Variants in GLRB observed in about 807,000 individuals in gnomAD.
GLRB encodes glycine receptor subunit beta.
A neutral mutation model predicts 54.2 loss-of-function variants in GLRB; 33 were observed. That is an observed-to-expected ratio of 0.61 (90% CI 0.46 to 0.81). GLRB has a LOEUF of 0.81. Ranked by LOEUF, GLRB falls within the 40% of genes least tolerant of loss-of-function variation. The probability of loss-of-function intolerance (pLI) is 0.00; values close to 1 mark genes in which losing one functional copy is unlikely to be tolerated. For synonymous variants in GLRB, 209 were observed against 208.2 expected, an observed-to-expected ratio of 1.00 and a Z score of -0.03; for missense variants, 572 against 584.6, an observed-to-expected ratio of 0.98 and a Z score of 0.22.
Position 157,122,322 on chromosome 4 carries a change from A to C in GLRB, c.230-8A>C. On this transcript the variant is annotated splice_polypyrimidine_tract_variant and splice_region_variant and intron_variant, in intron 3 of 9. Coordinates refer to ENST00000264428, the MANE Select transcript of GLRB (RefSeq NM_000824.5). Reference sequence around the variant, plus strand: ...GCTAATAAATATATTCTTAATTTTTATTCATAGGCATTCCTGTTGATGTAG... The same window carrying C: ...GCTAATAAATATATTCTTAATTTTTCTTCATAGGCATTCCTGTTGATGTAG... 1 of 1,160,612 alleles carries C rather than the reference A, an allele frequency of 8.6e-7. No individual in the cohort carries two copies. Among genetic ancestry groups the C allele is most frequent in the Non-Finnish European group, 1.3e-6 (1 of 783,720 alleles). The allele number at this position is 1,160,612 out of a possible 1,614,324, so 71.9% of individuals were successfully genotyped here.
At chr4:157,091,907 T>G (rs1345815160) in intron 2 of GLRB, among the ~76,000 whole-genome samples, 1 of 152,178 alleles carries the variant, frequency 6.6e-6, no homozygotes, top group African/African-American at 2.4e-5. Context: ...CTTATCCTTC[T>G]AGTCCCAGCT....
chr4:157,090,346 G>A (rs1204907271), intron 2 of GLRB, among the ~76,000 whole-genome samples: 1 of 152,178 alleles, frequency 6.6e-6, no homozygotes, highest in Non-Finnish European at 1.5e-5. Flanking sequence ...TTAATGAAAA[G>A]TGGGGCATTG....
At chr4:157,115,252 T>G (rs897998829) in intron 2 of GLRB, among the ~76,000 whole-genome samples, 22 of 109,964 alleles carry the variant, frequency 2.0e-4, no homozygotes, top group Middle Eastern at 4.7e-3. Flanking sequence ...CATTATGGTG[T>G]TTTTTTTTTT....
chr4:157,109,893 G>A (rs1194551297), intron 2 of GLRB, among the ~76,000 whole-genome samples: 1 of 152,024 alleles, frequency 6.6e-6, no homozygotes, highest in South Asian at 2.1e-4. Flanking sequence ...GGGGCATAAA[G>A]CTTCCGTGCC....
intron 7 of GLRB, 65 bp downstream of exon 7, chr4:157,139,014 C>A: frequency 1.1e-6 from 1 of 876,302 alleles, no homozygotes; most frequent in Non-Finnish European, 1.9e-6. Context: ...TAATACATAG[C>A]CAAGGGGAGA....
At chr4:157,090,818 T>C (rs1241790708) in intron 2 of GLRB, among the ~76,000 whole-genome samples, 1 of 152,200 alleles carries the variant, frequency 6.6e-6, no homozygotes, top group East Asian at 1.9e-4. Flanking sequence ...ATATCACTTA[T>C]GATCTCATTG....
At chr4:157,153,675 AG>A (rs1462906159) in intron 9 of GLRB, among the ~76,000 whole-genome samples, 3 of 152,198 alleles carry the variant, frequency 2.0e-5, no homozygotes, top group Admixed American at 2.0e-4. Context: ...TCAACGTGCC[AG>A]GCTGTGTAAA....
chr4:157,152,718 G>T lies in GLRB; in HGVS notation c.905G>T (p.Gly302Val). 6.2e-7 allele frequency: 1 copy of T among 1,612,542 alleles called. No individual in the cohort carries two copies. The change falls in exon 9 of 10, where the codon GGT becomes GTT. Residue 302 changes from glycine to valine, a missense_variant and splice_region_variant. Gly to Val is a moderately radical substitution (Grantham distance 109). Coordinates refer to ENST00000264428, the MANE Select transcript of GLRB (RefSeq NM_000824.5). ...TTCATTCCTCTTTCTGTTTCTGTAG[G>T]TATCTTCTCAGTCCTCAGCTTGGCC... ...PDASAARVPL[G>V]IFSVLSLASE...
intron 8 of GLRB, 113 bp downstream of exon 8, chr4:157,144,072 T>A (rs1736717522): frequency 8.9e-7 from 1 of 1,124,104 alleles, no homozygotes; most frequent in Non-Finnish European, 1.3e-6. Context: ...AGCCACCAAT[T>A]TCGGTGTTTA....
intron 7 of GLRB, among the ~76,000 whole-genome samples, chr4:157,139,570 G>C (rs1736536024): frequency 6.6e-6 from 1 of 151,994 alleles, no homozygotes; most frequent in Non-Finnish European, 1.5e-5. Context: ...ACTCAATACT[G>C]TCATAATATG....
chr4:157,128,067 A>G (rs1396741210), intron 4 of GLRB, among the ~76,000 whole-genome samples: 2 of 151,904 alleles, frequency 1.3e-5, no homozygotes, highest in Non-Finnish European at 2.9e-5. Context: ...TTATCTGATT[A>G]TAACATAACT....
chr4:157,141,733 A>G (rs1226442642), intron 7 of GLRB, among the ~76,000 whole-genome samples: 1 of 152,076 alleles, frequency 6.6e-6, no homozygotes, highest in Non-Finnish European at 1.5e-5. Context: ...AATGTTTCTC[A>G]TAAAATTTTA....
intron 9 of GLRB, among the ~76,000 whole-genome samples, chr4:157,167,058 A>G (rs908215202): frequency 6.6e-6 from 1 of 152,158 alleles, no homozygotes; most frequent in Non-Finnish European, 1.5e-5. Context: ...TAGCAAATGC[A>G]TTTCTACAGT....
chr4:157,119,826 G>A (rs1027047177), intron 2 of GLRB, among the ~76,000 whole-genome samples: 11 of 151,772 alleles, frequency 7.2e-5, no homozygotes, highest in African/African-American at 2.4e-4. Context: ...TCAGTGTGGC[G>A]ATTCCTCAGG....
At chr4:157,135,023 A>G (rs1489674716) in intron 4 of GLRB, among the ~76,000 whole-genome samples, 3 of 152,156 alleles carry the variant, frequency 2.0e-5, no homozygotes, top group Admixed American at 6.6e-5. Flanking sequence ...AGCACTTAAC[A>G]TTAAGTATAC....
intron 9 of GLRB, among the ~76,000 whole-genome samples, chr4:157,155,661 C>A (rs1737199198): frequency 6.6e-6 from 1 of 152,262 alleles, no homozygotes; most frequent in Admixed American, 6.5e-5. Flanking sequence ...GTTCTAATTG[C>A]TTTTCCTCTG....
At chr4:157,135,628 G>A (rs955245540) in intron 4 of GLRB, among the ~76,000 whole-genome samples, 2 of 152,088 alleles carry the variant, frequency 1.3e-5, no homozygotes, top group Admixed American at 1.3e-4. Flanking sequence ...CATTTGAACT[G>A]TGAGTCAATT....
At chr4:157,139,989 T>A (rs938701953) in intron 7 of GLRB, among the ~76,000 whole-genome samples, 1 of 151,972 alleles carries the variant, frequency 6.6e-6, no homozygotes, top group Non-Finnish European at 1.5e-5. Context: ...GAGAGAACAT[T>A]TACATATTTA....
chr4:157,081,133 AG>A (rs1734207371), intron 2 of GLRB, among the ~76,000 whole-genome samples: 1 of 152,246 alleles, frequency 6.6e-6, no homozygotes, highest in Non-Finnish European at 1.5e-5. Flanking sequence ...CCAAAAACTT[AG>A]AAATTTAATA....
Sources: allele counts gnomAD v4.1 joint callset (sites outside exome capture counted in the v4.1 genomes callset), GRCh38; gene constraint gnomAD v4.1.1; transcripts MANE v1.5; gene names NCBI Gene and HGNC (gene_info 2026-07-23, HGNC 2026-07-21).